The following SEH1L variants were observed in gnomAD, a reference collection of about 807,000 sequenced individuals.
The protein encoded by SEH1L is nucleoporin SEH1.
A neutral mutation model predicts 49.5 loss-of-function variants in SEH1L; 18 were observed. The observed-to-expected ratio is 0.36, with a 90% CI of 0.25 to 0.54. The LOEUF (loss-of-function observed/expected upper bound fraction) is 0.54. Ranked by LOEUF, SEH1L falls within the 20% of genes least tolerant of loss-of-function variation. The pLI is 0.87. For synonymous variants in SEH1L, 169 were observed against 178.1 expected (o/e 0.95, Z 0.41); for missense variants, 404 against 528.8 (o/e 0.76, Z 2.31).
intron 7 of SEH1L, among the ~76,000 whole-genome samples, chr18:12,983,749 A>G (rs2032361387): frequency 6.6e-6 from 1 of 152,208 alleles, no homozygotes; most frequent in Non-Finnish European, 1.5e-5. Flanking sequence ...TTTTAATATT[A>G]ACTTCATAAT....
At chr18:12,963,699 A>T (rs919013467) in intron 4 of SEH1L, among the ~76,000 whole-genome samples, 2 of 152,224 alleles carry the variant, frequency 1.3e-5, no homozygotes, top group African/African-American at 4.8e-5. Context: ...ATTGAAACCC[A>T]TACATTTGAT....
intron 3 of SEH1L, among the ~76,000 whole-genome samples, chr18:12,957,066 CAAAA>C (rs398120193): frequency 7.1e-6 from 1 of 140,280 alleles, no homozygotes; most frequent in Non-Finnish European, 1.6e-5. Flanking sequence ...AGACTTGTCT[CAAAA>C]AAAAAAAAAA....
intron 7 of SEH1L, chr18:12,983,256 A>G (rs1386237109): frequency 1.3e-5 from 2 of 152,304 alleles, no homozygotes; most frequent in African/African-American, 4.8e-5. Context: ...GCACCACCAT[A>G]GAATGGTGTC....
chr18:12,969,031 AG>A (rs2031570749), intron 4 of SEH1L, among the ~76,000 whole-genome samples: 1 of 152,010 alleles, frequency 6.6e-6, no homozygotes, highest in African/African-American at 2.4e-5. Flanking sequence ...ACCAACATGG[AG>A]AAAACCCTTC....
chr18:12,981,071 G>A (rs1964084), intron 6 of SEH1L, among the ~76,000 whole-genome samples: 52,710 of 150,182 alleles, frequency 0.35, 9,546 homozygotes, highest in Middle Eastern at 0.47. Flanking sequence ...AGACGGGGCG[G>A]TTGCCAGGCA....
chr18:12,954,984 A>G (rs1348262297), intron 2 of SEH1L, among the ~76,000 whole-genome samples: 1 of 152,226 alleles, frequency 6.6e-6, no homozygotes, highest in Non-Finnish European at 1.5e-5. Context: ...AGCCGCTGGT[A>G]ACCACTAATC....
chr18:12,967,757 T>TA (rs1164940046), intron 4 of SEH1L, among the ~76,000 whole-genome samples: 2 of 151,940 alleles, frequency 1.3e-5, no homozygotes, highest in Non-Finnish European at 2.9e-5. Flanking sequence ...CTACTAAAAA[T>TA]ACAAAAATTA....
chr18:12,985,254 T>C, intron 8 of SEH1L: 1 of 1,609,614 alleles, frequency 6.2e-7, no homozygotes, highest in African/African-American at 1.3e-5. Context: ...CACAGCTGAG[T>C]ACAAGCTAAC....
At chr18:12,952,869 C>T (rs1416128250) in intron 2 of SEH1L, among the ~76,000 whole-genome samples, 1 of 151,012 alleles carries the variant, frequency 6.6e-6, no homozygotes, top group Non-Finnish European at 1.5e-5. Flanking sequence ...GCAACCTCTG[C>T]CTCCTGGGTT....
At chr18:12,962,393 A>G (rs1306488203) in intron 3 of SEH1L, among the ~76,000 whole-genome samples, 1 of 150,504 alleles carries the variant, frequency 6.6e-6, no homozygotes, top group African/African-American at 2.5e-5. Context: ...AAAAAAAATA[A>G]TAATAATAGT....
chr18:12,951,192 C>T (rs1361187227), intron 1 of SEH1L, among the ~76,000 whole-genome samples: 2 of 152,174 alleles, frequency 1.3e-5, no homozygotes, highest in Admixed American at 1.3e-4. Context: ...CCAGGCGATA[C>T]TCTATTTTGG....
intron 4 of SEH1L, among the ~76,000 whole-genome samples, chr18:12,967,059 G>A (rs998809700): frequency 9.9e-5 from 15 of 152,006 alleles, no homozygotes; most frequent in African/African-American, 3.4e-4. Flanking sequence ...GGTTTCTAGT[G>A]AAGATTTTTT....
In SEH1L at chr18:12,986,918, C is replaced by T. The variant is rs138726079; in HGVS notation, c.1127C>T (p.Ala376Val). The T allele has an allele frequency of 1.2e-6, 2 of 1,613,026 alleles. No homozygotes were observed. The highest frequency in any genetic ancestry group is 1.7e-6 in the Non-Finnish European group (2 of 1,179,500). The change falls in exon 9 of 9, where the codon GCC (alanine) becomes GTC (valine). Residue 376 changes from alanine (A) to valine (V), a missense_variant. By Grantham distance (64) the Ala-to-Val change is moderately conservative. This residue lies in a region of SEH1L where 342 missense variants were observed against 430.8 expected (regional missense o/e 0.79). Transcript: ENST00000399892. ...GCTGGATCGAGATGGTCCAGTTATG[C>T]CCAGCTCCTTCCTCCTCCTCCTCCT... ...PRAGSRWSSYAQLLPPPPPPL... is the reference protein window; with the variant it reads ...PRAGSRWSSYVQLLPPPPPPL...
intron 4 of SEH1L, among the ~76,000 whole-genome samples, chr18:12,967,812 G>A (rs1301682066): frequency 6.6e-6 from 1 of 152,156 alleles, no homozygotes; most frequent in Non-Finnish European, 1.5e-5. Flanking sequence ...TACTCAGGAG[G>A]CTGAGGCAGG....
At position 12,987,190 on chromosome 18, in the gene SEH1L, A is replaced by C. The variant is rs1312313826; in HGVS notation, c.*133A>C. 1 of 585,694 alleles carries C rather than the reference A, an allele frequency of 1.7e-6. No homozygotes were observed. The highest frequency in any genetic ancestry group is 2.8e-6 in the Non-Finnish European group (1 of 351,496). The allele number at this position is 585,694 out of a possible 1,614,324, so 36.3% of individuals were successfully genotyped here. A position where few individuals can be genotyped will look rare whatever the true frequency, so the allele number is the denominator to read the frequency against. On this transcript the variant is annotated 3_prime_UTR_variant, in exon 9 of 9. Transcript: ENST00000399892. Reference sequence around the variant, plus strand: ...TCTGTCTTGCATGTATTACAACCAGAATACAGTGTTTGGAACCTAAATCTG... The same window carrying C: ...TCTGTCTTGCATGTATTACAACCAGCATACAGTGTTTGGAACCTAAATCTG...
chr18:12,978,937 C>T, intron 6 of SEH1L, 45 bp downstream of exon 6: 1 of 1,583,446 alleles, frequency 6.3e-7, no homozygotes, highest in Non-Finnish European at 8.6e-7. Flanking sequence ...CTCTTGCCTT[C>T]TGATTACCTT....
intron 2 of SEH1L, among the ~76,000 whole-genome samples, chr18:12,953,779 TTTA>T (rs1398429349): frequency 2.0e-5 from 3 of 152,222 alleles, no homozygotes; most frequent in Non-Finnish European, 4.4e-5. Context: ...CTAAAACATT[TTTA>T]TTATTCCAAA....
intron 5 of SEH1L, chr18:12,974,007 C>G (rs2031808391): frequency 6.6e-6 from 1 of 152,178 alleles, no homozygotes; most frequent in South Asian, 2.1e-4. Context: ...GGTCATCCAG[C>G]CATGCCTTAG....
In SEH1L at chr18:12,983,898, T is replaced by C. The variant is rs907450572; in HGVS notation, c.920-142T>C. On this transcript the variant is annotated intron_variant, in intron 7 of 8. Coordinates refer to ENST00000399892, the MANE Select transcript of SEH1L (RefSeq NM_001013437.2). ...TAATATGTCTTTCATTTAAAAAGTGTCTTTAATGTTTATCCTGAAAGAAAT... is the reference window on the plus strand; with the variant it reads ...TAATATGTCTTTCATTTAAAAAGTGCCTTTAATGTTTATCCTGAAAGAAAT... 9 of 524,820 alleles carry C rather than the reference T, an allele frequency of 1.7e-5. No homozygotes were observed. In the African/African-American group the frequency reaches 1.7e-4, roughly 10 times the overall value. 32.5% of individuals were successfully genotyped at this position (524,820 alleles called of 1,614,324 possible).
Sources: gnomAD v4.1 joint callset for allele counts (sites outside exome capture counted in the v4.1 genomes callset) on GRCh38, gnomAD v4.1.1 for gene constraint, gnomAD v4.1.1 regional missense constraint, MANE v1.5 for transcripts, NCBI Gene and HGNC (gene_info 2026-07-23, HGNC 2026-07-21) for gene names.